The following TRPM4 variants were observed in gnomAD, a reference collection of about 807,000 sequenced individuals.
The protein encoded by TRPM4 is calcium-activated non-selective cation channel 1.
Under a neutral mutation model 135.6 loss-of-function variants are expected in TRPM4, and 124 were observed. The ratio of observed to expected loss-of-function variants is 0.91; its 90% CI spans 0.79 to 1.06. The LOEUF (loss-of-function observed/expected upper bound fraction) is 1.06. Among genes scored for constraint, TRPM4 ranks in the 50% least tolerant of loss-of-function variants. TRPM4 has a pLI of 0.00. For synonymous variants in TRPM4, 745 were observed against 705.6 expected, an observed-to-expected ratio of 1.06 and a Z score of -0.88; for missense variants, 1,658 against 1,671.4, an observed-to-expected ratio of 0.99 and a Z score of 0.14.
intron 16 of TRPM4, among the ~76,000 whole-genome samples, chr19:49,192,843 T>TA (rs934420278): frequency 8.6e-5 from 13 of 150,556 alleles, no homozygotes; most frequent in Admixed American, 2.0e-4. Flanking sequence ...CGTCAAAAAA[T>TA]AAAAAAAAGA....
At chr19:49,205,862 A>G (rs956878561) in intron 20 of TRPM4, among the ~76,000 whole-genome samples, 6 of 151,958 alleles carry the variant, frequency 3.9e-5, no homozygotes, top group Non-Finnish European at 8.8e-5. Flanking sequence ...TTAGCGGGAT[A>G]CAATTCAATG....
chr19:49,211,723 A>G lies in TRPM4; in HGVS notation c.*225A>G. 1 of 631,174 alleles carries G rather than the reference A, an allele frequency of 1.6e-6. No individual in the cohort carries two copies. Among genetic ancestry groups the G allele is most frequent in the South Asian group, 1.9e-5 (1 of 53,576 alleles). 39.1% of individuals were successfully genotyped at this position (631,174 alleles called of 1,614,324 possible). ...CCAGCCTGGGAGGATCAAGGCCTGG[A>G]TCCCGGGCCGTTATCCATCTGGAGG... is the stretch of plus-strand genomic sequence containing the variant. On this transcript the variant is annotated 3_prime_UTR_variant, in exon 25 of 25. Transcript: ENST00000252826. This position sits in a 1 kb window ranked among gnomAD's most constrained non-coding sequence, Gnocchi z 4.8.
At position 49,210,002 on chromosome 19, in the gene TRPM4, GC is replaced by G. The variant is rs1213151816; in HGVS notation, c.3132-205del. On this transcript the variant is annotated intron_variant, in intron 20 of 24. Coordinates refer to ENST00000252826, the MANE Select transcript of TRPM4 (RefSeq NM_017636.4). The surrounding 1 kb of genome is among the most constrained non-coding windows in gnomAD (Gnocchi z 4.1). ...GACCTGAGGTGATCCGCCCACTCCG[GC>G]CTCCCAAAGTGCTGGGACTACAGGC... Among the ~76,000 whole-genome samples the G allele has an allele frequency of 6.6e-6, 1 of 152,058 alleles. No individual in the cohort carries two copies. Among genetic ancestry groups the G allele is most frequent in the Non-Finnish European group, 1.5e-5 (1 of 68,008 alleles).
At position 49,210,680 on chromosome 19, in the gene TRPM4, T is replaced by G. The variant is rs761228056; in HGVS notation, c.3329-30T>G. The G allele has an allele frequency of 8.7e-6, 14 of 1,613,708 alleles. No individual in the cohort carries two copies. The highest frequency in any genetic ancestry group is 1.2e-5 in the Non-Finnish European group (14 of 1,179,996). The stretch of plus-strand genomic sequence containing the variant: ...GCTGGGATTGGGAAGGGGCGTGGCC[T>G]GAGCCCTTTGACTCCGCCCGCCCCT... On this transcript the variant is annotated intron_variant, in intron 21 of 24. Transcript: ENST00000252826. The surrounding 1 kb of genome is among the most constrained non-coding windows in gnomAD (Gnocchi z 4.1).
At chr19:49,206,685 C>T (rs897231099) in intron 20 of TRPM4, among the ~76,000 whole-genome samples, 2 of 151,984 alleles carry the variant, frequency 1.3e-5, no homozygotes, top group Non-Finnish European at 2.9e-5. Context: ...GTGATCCACC[C>T]GCCTTGGCCT....
In TRPM4 at chr19:49,211,438, T is replaced by C; in HGVS notation, c.3641-56T>C. The stretch of plus-strand genomic sequence containing the variant: ...TCTTTTTTGCCAGTCTCCCAGTTTT[T>C]CTGTCTCTCCCCTTCCCTGCCAATC... On this transcript the variant is annotated intron_variant, in intron 24 of 24. Transcript: ENST00000252826. This position sits in a 1 kb window ranked among gnomAD's most constrained non-coding sequence, Gnocchi z 4.8. The C allele has an allele frequency of 1.3e-5, 21 of 1,613,308 alleles. No individual in the cohort carries two copies. The highest frequency in any genetic ancestry group is 1.6e-5 in the Non-Finnish European group (19 of 1,179,896).
At position 49,186,046 on chromosome 19, in the gene TRPM4, C is replaced by T. The variant is rs183491112; in HGVS notation, c.1744-2595C>T. Reference sequence around the variant, plus strand: ...GATTACAGGCGTGAGCCACCGCGCCCACCCTGTTTAGTGACTTCTCTAAAC... The same window carrying T: ...GATTACAGGCGTGAGCCACCGCGCCTACCCTGTTTAGTGACTTCTCTAAAC... On this transcript the variant is annotated intron_variant, in intron 12 of 24. Transcript: ENST00000252826. Among the ~76,000 whole-genome samples, 517 of 152,276 alleles carry T rather than the reference C, an allele frequency of 3.4e-3. 2 individuals carry two copies. Among genetic ancestry groups the T allele is most frequent in the African/African-American group, 0.012 (490 of 41,552 alleles).
At chr19:49,198,219 T>G (rs1440429755) in intron 17 of TRPM4, among the ~76,000 whole-genome samples, 1 of 152,220 alleles carries the variant, frequency 6.6e-6, no homozygotes, top group East Asian at 1.9e-4. Flanking sequence ...ATTTGTTGTA[T>G]TTTGTATAAA....
intron 20 of TRPM4, among the ~76,000 whole-genome samples, chr19:49,209,391 T>C (rs1449124468): frequency 6.6e-6 from 1 of 152,182 alleles, no homozygotes; most frequent in African/African-American, 2.4e-5. Flanking sequence ...AGCACAGCCA[T>C]CTGGTTTTGG....
At position 49,175,181 on chromosome 19, in the gene TRPM4, T is replaced by C. The variant is rs1395400649; in HGVS notation, c.1150+3073T>C. 6.0e-5 allele frequency among the ~76,000 whole-genome samples: 9 copies of C among 151,250 alleles called. No individual in the cohort carries two copies. In the South Asian group the frequency reaches 1.9e-3, roughly 31 times the overall value. ...ACCTCCGCCTCCCGGGCTCAAGTGATTCTCCTGCCTCAGCCTCCCAAGTAG... is the reference window on the plus strand; with the variant it reads ...ACCTCCGCCTCCCGGGCTCAAGTGACTCTCCTGCCTCAGCCTCCCAAGTAG... On this transcript the variant is annotated intron_variant, in intron 9 of 24. Transcript: ENST00000252826.
chr19:49,191,906 A>G (rs1330383566), intron 16 of TRPM4, among the ~76,000 whole-genome samples: 1 of 152,188 alleles, frequency 6.6e-6, no homozygotes, highest in Non-Finnish European at 1.5e-5. Flanking sequence ...GCCAAGCTCA[A>G]GACTTGGCTC....
chr19:49,166,199 G>A lies in TRPM4; in HGVS notation c.251G>A (p.Gly84Asp). 6.2e-7 allele frequency: 1 copy of A among 1,606,058 alleles called. No individual in the cohort carries two copies. Among genetic ancestry groups the A allele is most frequent in the Non-Finnish European group, 8.5e-7 (1 of 1,177,276 alleles). Residue 84 changes from glycine to aspartate, a missense_variant, in exon 3 of 25, where the codon GGC becomes GAC. Around this residue, in one of 3 missense-constraint regions of TRPM4, gnomAD observed 239 missense variants for 240.1 expected, o/e 1.00. Coordinates refer to ENST00000252826, the MANE Select transcript of TRPM4 (RefSeq NM_017636.4). ...GGAGAGCTGGACTTCACGGGGGCCGGCCGCAAGCACAGCAATGTGAGGCGG... is the reference window on the plus strand; with the variant it reads ...GGAGAGCTGGACTTCACGGGGGCCGACCGCAAGCACAGCAATGTGAGGCGG... The part of the protein sequence containing the change: ...AYGELDFTGA[G>D]RKHSNFLRLS...
In TRPM4 at chr19:49,200,310, G is replaced by A; in HGVS notation, c.2656G>A (p.Gly886Ser). The A allele has an allele frequency of 6.2e-7, 1 of 1,614,072 alleles. No individual in the cohort carries two copies. ...CTCCCCACACCCCAGGCTGACCCCGGGTTTGTACCACCTGGGCCGCACTGT... is the reference window on the plus strand; with the variant it reads ...CTCCCCACACCCCAGGCTGACCCCGAGTTTGTACCACCTGGGCCGCACTGT... ...LLGVGCRLTPGLYHLGRTVLC... is the reference protein window; with the variant it reads ...LLGVGCRLTPSLYHLGRTVLC... Residue 886 changes from glycine (G) to serine (S), a missense_variant, in exon 18 of 25, where the codon GGT becomes AGT. Transcript: ENST00000252826.
chr19:49,187,843 G>C (rs1294074684), intron 12 of TRPM4, among the ~76,000 whole-genome samples: 2 of 152,098 alleles, frequency 1.3e-5, no homozygotes, highest in Non-Finnish European at 2.9e-5. Context: ...GGAATCACAG[G>C]GGTTGGAAGT....
chr19:49,164,371 T>TG (rs1967091511), intron 2 of TRPM4, among the ~76,000 whole-genome samples: 2 of 80,926 alleles, frequency 2.5e-5, no homozygotes, highest in East Asian at 8.4e-4. Context: ...TTAGTTTTTT[T>TG]TTTTTTTTTT....
intron 2 of TRPM4, 117 bp from the exon 3 acceptor site, chr19:49,165,924 G>A: frequency 9.3e-7 from 1 of 1,076,572 alleles, no homozygotes; most frequent in Non-Finnish European, 1.3e-6. Flanking sequence ...GACTCTGCCT[G>A]CCTCTGTGGG....
rs986647374 is a variant in TRPM4 at position 49,200,793 on chromosome 19, G to A, written c.2953+8G>A. On this transcript the variant is annotated splice_region_variant and intron_variant, in intron 19 of 24. Transcript: ENST00000252826. ...CCCAGGAGGACATGGACGGTAGGGG[G>A]GATGACGGCCTGACAGCCTTCCTCT... The A allele has an allele frequency of 1.2e-6, 2 of 1,613,610 alleles. No individual in the cohort carries two copies. The highest frequency in any genetic ancestry group is 1.1e-5 in the South Asian group (1 of 91,032).
chr19:49,208,891 G>T (rs975612650), intron 20 of TRPM4, among the ~76,000 whole-genome samples: 3 of 151,372 alleles, frequency 2.0e-5, no homozygotes, highest in Non-Finnish European at 4.4e-5. Flanking sequence ...CCCAGGAGGC[G>T]GAGCTTGCAG....
chr19:49,182,616 G>C lies in TRPM4; in HGVS notation c.1302G>C (p.Leu434=). ...AAGCTTCCCTCATGGACGCCCTGCTGAATGACCGGCCTGAGTTCGTGCGCT... is the reference window on the plus strand; with the variant it reads ...AAGCTTCCCTCATGGACGCCCTGCTCAATGACCGGCCTGAGTTCGTGCGCT... ...HLEASLMDAL[L]NDRPEFVRLL... is the part of the protein sequence containing the mutation. The change falls in exon 11 of 25, where the codon CTG becomes CTC. Residue 434 remains leucine (L), a synonymous_variant. Transcript: ENST00000252826. The C allele has an allele frequency of 5.0e-6, 8 of 1,614,064 alleles. No homozygotes were observed. The highest frequency in any genetic ancestry group is 6.8e-6 in the Non-Finnish European group (8 of 1,180,032).
Sources: allele counts gnomAD v4.1 joint callset (sites outside exome capture counted in the v4.1 genomes callset), GRCh38; gene constraint gnomAD v4.1.1; regional missense constraint gnomAD v4.1.1; non-coding constraint Gnocchi (gnomAD v3.1); transcripts MANE v1.5; gene names NCBI Gene and HGNC (gene_info 2026-07-23, HGNC 2026-07-21).